The following EREG variants were observed in gnomAD, a reference collection of about 807,000 sequenced individuals.
The protein encoded by EREG is epiregulin.
In EREG, 23 loss-of-function variants were observed where a neutral mutation model predicts 22.4. The observed-to-expected ratio is 1.03, with a 90% CI of 0.74 to 1.46. EREG has a LOEUF of 1.46. Among genes scored for constraint, EREG ranks in the 40% most tolerant of loss-of-function variants. EREG has a pLI of 0.00. For synonymous variants in EREG, 100 were observed against 75.4 expected (o/e 1.33, Z -1.69); for missense variants, 226 against 205.9 (o/e 1.10, Z -0.60).
intron 1 of EREG, among the ~76,000 whole-genome samples, chr4:74,372,634 T>C (rs569743814): frequency 2.4e-4 from 36 of 152,228 alleles, no homozygotes; most frequent in African/African-American, 7.9e-4. Context: ...GAAAAGGTTA[T>C]AAAAAAGCTC....
At chr4:74,375,365 C>T (rs1280314141) in intron 1 of EREG, among the ~76,000 whole-genome samples, 6 of 118,830 alleles carry the variant, frequency 5.0e-5, no homozygotes, top group African/African-American at 2.0e-4. Context: ...GTCGCCCAGG[C>T]TGGAGTGCAG....
intron 2 of EREG, among the ~76,000 whole-genome samples, chr4:74,380,268 T>TC (rs1752451891): frequency 1.4e-5 from 1 of 72,990 alleles, no homozygotes. Context: ...CTCCGCATCA[T>TC]CTTTTTTTTT....
intron 3 of EREG, chr4:74,381,931 G>A (rs1450885112): frequency 7.7e-6 from 1 of 129,388 alleles, no homozygotes; most frequent in East Asian, 2.3e-4. Context: ...CTTGCAGTGA[G>A]CGGAGATCAT....
At chr4:74,371,364 A>G (rs1752287450) in intron 1 of EREG, among the ~76,000 whole-genome samples, 1 of 152,158 alleles carries the variant, frequency 6.6e-6, no homozygotes. Context: ...TGATTTTAGC[A>G]CCGTTCACAT....
intron 1 of EREG, among the ~76,000 whole-genome samples, chr4:74,371,966 CTTTTGTACCAGTTTTCT>C (rs1354600906): frequency 6.6e-6 from 1 of 151,864 alleles, no homozygotes; most frequent in East Asian, 1.9e-4. Context: ...GGAACAATGT[CTTTTGTACCAGTTTTCT>C]TTCCAGTGTT....
chr4:74,379,479 A>G lies in EREG; in HGVS notation c.99A>G (p.Thr33=). The G allele has an allele frequency of 6.2e-7, 1 of 1,612,332 alleles. No individual in the cohort carries two copies. Among genetic ancestry groups the G allele is most frequent in the Non-Finnish European group, 8.5e-7 (1 of 1,178,426 alleles). The change falls in exon 2 of 5, where the codon ACA becomes ACG. Residue 33 remains threonine, a synonymous_variant. Coordinates refer to ENST00000244869, the MANE Select transcript of EREG (RefSeq NM_001432.3). ...GFHLLQAVLS[T]TVIPSCIPGE... ...ATCTTCTACAGGCAGTCCTCAGTAC[A>G]ACTGTGATTCCATCATGTATCCCAG...
chr4:74,377,029 C>T (rs1752392581), intron 1 of EREG, among the ~76,000 whole-genome samples: 1 of 151,942 alleles, frequency 6.6e-6, no homozygotes, highest in Non-Finnish European at 1.5e-5. Context: ...TCTTTCTTTA[C>T]AGTACCAAAT....
intron 1 of EREG, among the ~76,000 whole-genome samples, chr4:74,365,587 G>A (rs1752164459): frequency 2.0e-5 from 3 of 151,156 alleles, no homozygotes; most frequent in Non-Finnish European, 2.9e-5. Context: ...TTTTATTGGT[G>A]AATTAATTAT....
At chr4:74,368,542 T>C (rs763802655) in intron 1 of EREG, among the ~76,000 whole-genome samples, 1 of 152,206 alleles carries the variant, frequency 6.6e-6, no homozygotes, top group East Asian at 1.9e-4. Context: ...AGAACGTAAA[T>C]GTATTTCCTT....
chr4:74,369,347 T>A (rs1019791990), intron 1 of EREG, among the ~76,000 whole-genome samples: 1 of 152,278 alleles, frequency 6.6e-6, no homozygotes, highest in East Asian at 1.9e-4. Context: ...TATATCACTC[T>A]GTATGCCTTT....
intron 1 of EREG, among the ~76,000 whole-genome samples, chr4:74,377,112 G>T (rs1752394535): frequency 6.8e-6 from 1 of 146,416 alleles, no homozygotes; most frequent in East Asian, 2.0e-4. Flanking sequence ...CCAGAGGCTA[G>T]AAGTTGAGAG....
At chr4:74,368,955 G>A (rs1752246290) in intron 1 of EREG, among the ~76,000 whole-genome samples, 1 of 152,204 alleles carries the variant, frequency 6.6e-6, no homozygotes, top group Non-Finnish European at 1.5e-5. Context: ...TTCTGGAGAT[G>A]CAGTTTACCT....
At position 74,386,769 on chromosome 4, in the gene EREG, A is replaced by C. The variant is rs541696968; in HGVS notation, c.*1961A>C. On this transcript the variant is annotated 3_prime_UTR_variant, in exon 5 of 5. Transcript: ENST00000244869. Reference sequence around the variant, plus strand: ...AAAAAATAATACAACAACAACAAAAAATACATTATAACAACTATTTACTTT... The same window carrying C: ...AAAAAATAATACAACAACAACAAAACATACATTATAACAACTATTTACTTT... The C allele has an allele frequency of 6.6e-6, 1 of 152,074 alleles. No homozygotes were observed. Among genetic ancestry groups the C allele is most frequent in the Admixed American group, 6.5e-5 (1 of 15,276 alleles). 9.4% of individuals were successfully genotyped at this position (152,074 alleles called of 1,614,324 possible).
rs1386965032 is a variant in EREG, at chr4:74,379,500, C to G, written c.120C>G (p.Ile40Met). The G allele has an allele frequency of 3.1e-6, 5 of 1,611,990 alleles. No individual in the cohort carries two copies. The highest frequency in any genetic ancestry group is 3.3e-4 in the Middle Eastern group (2 of 6,056). Residue 40 changes from isoleucine to methionine, a missense_variant, in exon 2 of 5, where the codon ATC becomes ATG. Coordinates refer to ENST00000244869, the MANE Select transcript of EREG (RefSeq NM_001432.3). ...GTACAACTGTGATTCCATCATGTAT[C>G]CCAGGAGAGTCCAGTGATAACTGCA... is the stretch of plus-strand genomic sequence containing the variant. ...VLSTTVIPSC[I>M]PGESSDNCTA...
chr4:74,379,362 T>C, intron 1 of EREG, 86 bp from the exon 2 acceptor site: 1 of 816,232 alleles, frequency 1.2e-6, no homozygotes, highest in South Asian at 1.6e-5. Context: ...AAAACAACTC[T>C]ATAAGTACTG....
At chr4:74,381,313 C>T (rs1045745788) in intron 3 of EREG, 176 bp downstream of exon 3, 2 of 535,456 alleles carry the variant, frequency 3.7e-6, no homozygotes, top group South Asian at 5.0e-5. Context: ...ATCCCTTAAC[C>T]CCCCCAAAAC....
At chr4:74,370,903 T>C (rs1289436600) in intron 1 of EREG, among the ~76,000 whole-genome samples, 1 of 152,192 alleles carries the variant, frequency 6.6e-6, no homozygotes, top group African/African-American at 2.4e-5. Context: ...CTGGATTCCA[T>C]TTCTCATGAG....
intron 1 of EREG, among the ~76,000 whole-genome samples, chr4:74,378,342 A>G (rs141411765): frequency 4.3e-4 from 66 of 152,320 alleles, no homozygotes; most frequent in South Asian, 2.5e-3. Flanking sequence ...CCAACCGACT[A>G]AACAAAATCA....
In EREG at chr4:74,365,314, C is replaced by T. The variant is rs1416324876; in HGVS notation, c.6C>T (p.Thr2=). 2 of 1,605,102 alleles carry T rather than the reference C, an allele frequency of 1.2e-6. No homozygotes were observed. Among genetic ancestry groups the T allele is most frequent in the Non-Finnish European group, 8.5e-7 (1 of 1,179,802 alleles). The change falls in exon 1 of 5, where the codon ACC becomes ACT. Residue 2 remains threonine (T), a synonymous_variant. Transcript: ENST00000244869. M[T]AGRRMEMLCA... The stretch of plus-strand genomic sequence containing the variant: ...AGCGCCCGCTCCCATCGCCGATGAC[C>T]GCGGGGAGGAGGATGGAGATGCTCT...
Sources: allele counts gnomAD v4.1 joint callset (sites outside exome capture counted in the v4.1 genomes callset), GRCh38; gene constraint gnomAD v4.1.1; transcripts MANE v1.5; gene names NCBI Gene and HGNC (gene_info 2026-07-23, HGNC 2026-07-21).